SPTA1: variants seen among roughly 807,000 people sequenced by gnomAD.
The protein encoded by SPTA1 is spectrin alpha chain, erythrocytic 1.
A neutral mutation model predicts 324.7 loss-of-function variants in SPTA1; 177 were observed. The observed-to-expected ratio is 0.55, with a 90% confidence interval of 0.48 to 0.62. The LOEUF is 0.62. SPTA1 is among the 20% of genes least tolerant of loss of function. The probability of loss-of-function intolerance (pLI) is 0.00; values close to 1 mark genes in which losing one functional copy is unlikely to be tolerated. For synonymous variants in SPTA1, 1,195 were observed against 1,041.3 expected (o/e 1.15, Z -2.84); for missense variants, 3,162 against 2,883.6 (o/e 1.10, Z -2.21).
At position 158,634,561 on chromosome 1, in the gene SPTA1, A is replaced by T; in HGVS notation, c.5547T>A (p.Asp1849Glu). Reference protein sequence around the residue: ...NALAVRGDCGDTLAATQSLLM... With the variant: ...NALAVRGDCGETLAATQSLLM... ...TCCTCACCTGAGTAGCAGCTAATGT[A>T]TCTCCACAATCTCCTCGGACAGCCA... The change falls in exon 39 of 52, where the codon GAT (aspartate) becomes GAA (glutamate). Residue 1849 changes from aspartate (D) to glutamate (E), a missense_variant. Asp to Glu is a conservative substitution (Grantham distance 45, BLOSUM62 2). Coordinates refer to ENST00000643759, the MANE Select transcript of SPTA1 (RefSeq NM_003126.4). The T allele has an allele frequency of 2.5e-6, 4 of 1,614,108 alleles. No homozygotes were observed. The highest frequency in any genetic ancestry group is 3.4e-6 in the Non-Finnish European group (4 of 1,180,032).
rs140446749 is a variant in SPTA1 at position 158,668,470 on chromosome 1, G to A, written c.1834-408C>T. 8.0e-3 allele frequency among the ~76,000 whole-genome samples: 1,213 copies of A among 152,218 alleles called. 2 individuals are homozygous for A. The highest frequency in any genetic ancestry group is 0.017 in the Middle Eastern group (5 of 294). ...TGGAGCCATAACTCATCTAGTGAAT[G>A]CAAACACATATGAACAAGCTTCACA... On this transcript the variant is annotated intron_variant, in intron 14 of 51. Coordinates refer to ENST00000643759, the MANE Select transcript of SPTA1 (RefSeq NM_003126.4).
chr1:158,621,925 C>T (rs1043282260), intron 43 of SPTA1, among the ~76,000 whole-genome samples: 17 of 152,128 alleles, frequency 1.1e-4, no homozygotes, highest in African/African-American at 3.9e-4. Context: ...GTACAGTGGC[C>T]GCGATCTGGG....
At position 158,636,747 on chromosome 1, in the gene SPTA1, C is replaced by T. The variant is rs374379436; in HGVS notation, c.5204G>A (p.Arg1735Gln). The T allele has an allele frequency of 4.8e-5, 78 of 1,614,074 alleles. 1 individual carries two copies. The highest frequency in any genetic ancestry group is 1.5e-4 in the South Asian group (14 of 91,084). ...EESWIEEKLIRVSSQDYGRDL... is the reference protein window; with the variant it reads ...EESWIEEKLIQVSSQDYGRDL... ...TCTCCCATAGTCCTGGGAGCTCACT[C>T]GTATCAACTTCTCCCTAAAATCAAG... The change falls in exon 37 of 52, where the codon CGA becomes CAA. Residue 1735 changes from arginine to glutamine, a missense_variant. Physicochemically the swap from Arg to Gln is conservative, Grantham distance 43. Coordinates refer to ENST00000643759, the MANE Select transcript of SPTA1 (RefSeq NM_003126.4).
In SPTA1 at chr1:158,680,739, C is replaced by A. The variant is rs199801539; in HGVS notation, c.532-10G>T. 29 of 1,613,502 alleles carry A rather than the reference C, an allele frequency of 1.8e-5. No homozygotes were observed. The highest frequency in any genetic ancestry group is 3.3e-5 in the South Asian group (3 of 91,078). The stretch of plus-strand genomic sequence containing the variant: ...ATGTCGCTATAGCCTCCTGTAGACA[C>A]AGAAGTTGATTGAGTTGCCAGCAAA... On this transcript the variant is annotated splice_polypyrimidine_tract_variant and intron_variant, in intron 4 of 51. Transcript: ENST00000643759.
At chr1:158,655,606 T>C (rs756470240) in intron 20 of SPTA1, among the ~76,000 whole-genome samples, 1 of 152,204 alleles carries the variant, frequency 6.6e-6, no homozygotes, top group Non-Finnish European at 1.5e-5. Context: ...GGTCTGTAAA[T>C]ATACACTGAT....
At chr1:158,627,843 G>T in intron 39 of SPTA1, 120 bp from the exon 40 acceptor site, 1 of 914,022 alleles carries the variant, frequency 1.1e-6, no homozygotes, top group Non-Finnish European at 1.7e-6. Context: ...GGCAGACTAG[G>T]TGAATGCCCA....
In SPTA1 at chr1:158,639,934, T is replaced by C. The variant is rs201151453; in HGVS notation, c.4811A>G (p.Asn1604Ser). ...GAACCTCTGTTGACGACTGGCCTCA[T>C]TGAGCTTCTTCCCTTTGTCATTTGT... ...ERTNDKGKKL[N>S]EASRQQRFNT... Residue 1604 changes from asparagine to serine, a missense_variant, in exon 34 of 52, where the codon AAT becomes AGT. Coordinates refer to ENST00000643759, the MANE Select transcript of SPTA1 (RefSeq NM_003126.4). The C allele has an allele frequency of 4.3e-6, 7 of 1,613,818 alleles. No individual in the cohort carries two copies. Among genetic ancestry groups the C allele is most frequent in the African/African-American group, 2.7e-5 (2 of 74,882 alleles).
intron 20 of SPTA1, among the ~76,000 whole-genome samples, chr1:158,655,219 C>G (rs1557964191): frequency 6.6e-6 from 1 of 151,864 alleles, no homozygotes. Flanking sequence ...AGCTCCGGAC[C>G]TTCTATTTGA....
Position 158,685,282 on chromosome 1 carries a change from T to A in SPTA1, c.90A>T (p.Glu30Asp). ...TGAAACTTTGATACCGAGTCAACAC[T>A]TCCTGACGCCTCTCCTGGATCTCTT... ...TAEEIQERRQEVLTRYQSFKE... is the reference protein window; with the variant it reads ...TAEEIQERRQDVLTRYQSFKE... Residue 30 changes from glutamate to aspartate, a missense_variant, in exon 2 of 52, where the codon GAA becomes GAT. Coordinates refer to ENST00000643759, the MANE Select transcript of SPTA1 (RefSeq NM_003126.4). 6.2e-7 allele frequency: 1 copy of A among 1,613,908 alleles called. No individual in the cohort carries two copies. The highest frequency in any genetic ancestry group is 8.5e-7 in the Non-Finnish European group (1 of 1,179,864).
chr1:158,649,760 A>G (rs1020386564), intron 25 of SPTA1, 96 bp downstream of exon 25: 2 of 1,057,128 alleles, frequency 1.9e-6, no homozygotes, highest in East Asian at 2.5e-5. Flanking sequence ...CATCTCACGA[A>G]AAAAGATTAT....
intron 39 of SPTA1, among the ~76,000 whole-genome samples, chr1:158,628,661 A>G (rs554712880): frequency 6.6e-6 from 1 of 152,278 alleles, no homozygotes; most frequent in Admixed American, 6.5e-5. Flanking sequence ...TCATATTTTT[A>G]TATATGTATA....
In SPTA1 at chr1:158,645,278, T is replaced by C; in HGVS notation, c.4104A>G (p.Lys1368=). Residue 1368 remains lysine (K), a synonymous_variant, in exon 29 of 52, where the codon AAA becomes AAG. Transcript: ENST00000643759. ...SGHHASPEIE[K]KLQAVKLERD... ...TCTCTAGCTTGACAGCTTGAAGCTT[T>C]TTTTCAATTTCAGGGCTAGCATGGT... is the stretch of plus-strand genomic sequence containing the variant. The C allele has an allele frequency of 6.2e-7, 1 of 1,614,092 alleles. No individual in the cohort carries two copies. Among genetic ancestry groups the C allele is most frequent in the Non-Finnish European group, 8.5e-7 (1 of 1,179,966 alleles).
chr1:158,669,567 C>A lies in SPTA1; in HGVS notation c.1678-4G>T, dbSNP rs750621789. 4 of 1,614,104 alleles carry A rather than the reference C, an allele frequency of 2.5e-6. No individual in the cohort carries two copies. The highest frequency in any genetic ancestry group is 3.4e-6 in the Non-Finnish European group (4 of 1,179,998). On this transcript the variant is annotated splice_polypyrimidine_tract_variant and splice_region_variant and intron_variant, in intron 13 of 51. Transcript: ENST00000643759. ...GGGCATCCCGCCGGGCTAACAGCTG[C>A]AAAAACCATGAGTAAACTTACTGTC...
At chr1:158,623,617 C>T (rs560920945) in intron 42 of SPTA1, among the ~76,000 whole-genome samples, 1 of 152,276 alleles carries the variant, frequency 6.6e-6, no homozygotes, top group South Asian at 2.1e-4. Context: ...TTGTGCAGCA[C>T]TTCTTTCTGC....
At chr1:158,634,838 T>C (rs1650947198) in intron 38 of SPTA1, among the ~76,000 whole-genome samples, 163 bp from the exon 39 acceptor site, 2 of 152,120 alleles carry the variant, frequency 1.3e-5, no homozygotes, top group African/African-American at 4.8e-5. Context: ...TACTGCTCAG[T>C]GGTGAAGATC....
chr1:158,622,960 C>A (rs765668044), intron 43 of SPTA1, 23 bp downstream of exon 43: 1 of 1,595,262 alleles, frequency 6.3e-7, no homozygotes, highest in South Asian at 1.1e-5. Context: ...GAGAACTGAT[C>A]ATGCCTCATA....
At chr1:158,672,001 T>A in intron 11 of SPTA1, 58 bp downstream of exon 11, 2 of 1,606,996 alleles carry the variant, frequency 1.2e-6, no homozygotes, top group East Asian at 2.2e-5. Flanking sequence ...GTAGTCATGG[T>A]GGCAAATGAA....
At chr1:158,646,665 G>T (rs1024777412) in intron 27 of SPTA1, among the ~76,000 whole-genome samples, 2 of 152,182 alleles carry the variant, frequency 1.3e-5, no homozygotes, top group African/African-American at 4.8e-5. Context: ...CCATTGGAAT[G>T]GGTGTGGGTG....
intron 10 of SPTA1, among the ~76,000 whole-genome samples, chr1:158,672,925 G>T (rs1032621571): frequency 1.4e-5 from 2 of 147,392 alleles, no homozygotes; most frequent in African/African-American, 5.3e-5. Flanking sequence ...GGTGAAACCC[G>T]GTTTCTACCA....
Sources: allele counts gnomAD v4.1 joint callset (sites outside exome capture counted in the v4.1 genomes callset), GRCh38; gene constraint gnomAD v4.1.1; transcripts MANE v1.5; gene names NCBI Gene and HGNC (gene_info 2026-07-23, HGNC 2026-07-21).